Variants in VWC2 observed in about 807,000 individuals in gnomAD.
The protein encoded by VWC2 is von Willebrand factor C domain containing 2, also known as brorin.
Under a neutral mutation model 29.8 loss-of-function variants are expected in VWC2, and 14 were observed. The observed-to-expected ratio is 0.47, with a 90% CI of 0.31 to 0.74. The LOEUF (loss-of-function observed/expected upper bound fraction) is 0.74, where lower values mean the gene tolerates loss of function less well. VWC2 is among the 30% of genes least tolerant of loss of function. The pLI, the probability that VWC2 is intolerant of heterozygous loss-of-function variation, is 0.05. For synonymous variants in VWC2, 213 were observed against 199.0 expected (o/e 1.07, Z -0.59); for missense variants, 457 against 459.8 (o/e 0.99, Z 0.05).
intron 3 of VWC2, among the ~76,000 whole-genome samples, chr7:49,886,736 T>G (rs1042104026): frequency 3.3e-5 from 5 of 152,234 alleles, no homozygotes; most frequent in African/African-American, 1.2e-4. Flanking sequence ...GATGCATTGT[T>G]TAAAATTAAT....
rs150461078 is a variant in VWC2, at chr7:49,860,770, G to A, written c.827-51264G>A. On this transcript the variant is annotated intron_variant, in intron 3 of 3. Coordinates refer to ENST00000340652, the MANE Select transcript of VWC2 (RefSeq NM_198570.5). ...AATTAAGTTAAATGAGATCATAAGG[G>A]TGAGGCCTTAATCTAATAGGGTTGG... Among the ~76,000 whole-genome samples the A allele has an allele frequency of 1.7e-3, 254 of 152,280 alleles. 3 individuals are homozygous for A. The highest frequency in any genetic ancestry group is 5.4e-3 in the African/African-American group (223 of 41,548).
chr7:49,895,139 T>G (rs2128732167), intron 3 of VWC2, among the ~76,000 whole-genome samples: 1 of 152,296 alleles, frequency 6.6e-6, no homozygotes, highest in South Asian at 2.1e-4. Context: ...CACTTGCAGA[T>G]TTGGTGTTTG....
chr7:49,818,178 A>C lies in VWC2; in HGVS notation c.826+15338A>C, dbSNP rs570994915. Among the ~76,000 whole-genome samples, 94 of 152,188 alleles carry C rather than the reference A, an allele frequency of 6.2e-4. 1 individual carries two copies. Among genetic ancestry groups the C allele is most frequent in the African/African-American group, 2.2e-3 (90 of 41,534 alleles). ...AGATTGGGAAGTGATACAAAGAAAAATTTTCTAGTCATTAGAATTCCTATT... is the reference window on the plus strand; with the variant it reads ...AGATTGGGAAGTGATACAAAGAAAACTTTTCTAGTCATTAGAATTCCTATT... On this transcript the variant is annotated intron_variant, in intron 3 of 3. Transcript: ENST00000340652.
intron 3 of VWC2, among the ~76,000 whole-genome samples, chr7:49,811,438 C>T (rs1789003262): frequency 6.6e-6 from 1 of 152,198 alleles, no homozygotes; most frequent in African/African-American, 2.4e-5. Context: ...CCCCACTTCA[C>T]TCTGCACTTT....
chr7:49,907,295 TG>T (rs1793155370), intron 3 of VWC2, among the ~76,000 whole-genome samples: 1 of 152,032 alleles, frequency 6.6e-6, no homozygotes, highest in Admixed American at 6.6e-5. Flanking sequence ...AGAGGATAAA[TG>T]GGAACAGATG....
rs1433092074 is a variant in VWC2 at position 49,918,546 on chromosome 7, G to A, written c.*6361G>A. 1.1e-4 allele frequency: 17 copies of A among 152,096 alleles called. No homozygotes were observed. Among genetic ancestry groups the A allele is most frequent in the Non-Finnish European group, 1.5e-5 (1 of 68,026 alleles). The allele number at this position is 152,096 out of a possible 1,614,324, so 9.4% of individuals were successfully genotyped here. ...GAGATCTCTTTTTAAAAATAGTATT[G>A]AAGCATCAGGTTGTTCAGGTATGAT... On this transcript the variant is annotated 3_prime_UTR_variant, in exon 4 of 4. Coordinates refer to ENST00000340652, the MANE Select transcript of VWC2 (RefSeq NM_198570.5).
intron 3 of VWC2, among the ~76,000 whole-genome samples, chr7:49,908,426 T>C (rs919632664): frequency 1.3e-5 from 2 of 152,168 alleles, no homozygotes; most frequent in African/African-American, 4.8e-5. Flanking sequence ...AAAATCTAAA[T>C]ACAACAGGAT....
At chr7:49,813,107 C>T (rs1447587065) in intron 3 of VWC2, among the ~76,000 whole-genome samples, 2 of 152,208 alleles carry the variant, frequency 1.3e-5, no homozygotes, top group Non-Finnish European at 2.9e-5. Context: ...CCCTCTTTCT[C>T]CTTCAAGCAG....
At chr7:49,793,281 C>T (rs1788507553) in intron 2 of VWC2, among the ~76,000 whole-genome samples, 1 of 151,712 alleles carries the variant, frequency 6.6e-6, no homozygotes, top group Non-Finnish European at 1.5e-5. Context: ...AATATTCAGA[C>T]TCTGTCCAGG....
chr7:49,805,279 G>A (rs1303429079), intron 3 of VWC2, among the ~76,000 whole-genome samples: 1 of 152,168 alleles, frequency 6.6e-6, no homozygotes, highest in Non-Finnish European at 1.5e-5. Context: ...GATGGAATAA[G>A]GCAAGATTTT....
chr7:49,888,932 CA>C (rs923355020), intron 3 of VWC2, among the ~76,000 whole-genome samples: 3 of 149,866 alleles, frequency 2.0e-5, no homozygotes, highest in Admixed American at 1.3e-4. Flanking sequence ...AAAACAAAAA[CA>C]AAAAAAAACA....
rs1562747805 is a variant in VWC2 at position 49,877,484 on chromosome 7, ATATATATATATATATAT to A, written c.827-34549_827-34533del. Among the ~76,000 whole-genome samples the A allele has an allele frequency of 8.4e-3, 223 of 26,576 alleles. 30 individuals are homozygous for A. The highest frequency in any genetic ancestry group is 0.014 in the Admixed American group (26 of 1,850). 17.4% of individuals were successfully genotyped at this position (26,576 alleles called of 152,430 possible). ...TCTCAAAAAAAAAAAAAAAAAAAAT[ATATATATATATATATAT>A]ATATATATATATATATAGTTATTTG... On this transcript the variant is annotated intron_variant, in intron 3 of 3. Coordinates refer to ENST00000340652, the MANE Select transcript of VWC2 (RefSeq NM_198570.5).
intron 3 of VWC2, among the ~76,000 whole-genome samples, chr7:49,849,035 CT>C (rs1790070564): frequency 6.6e-6 from 1 of 152,142 alleles, no homozygotes; most frequent in African/African-American, 2.4e-5. Flanking sequence ...TCTTTAGGTC[CT>C]GCTTGCTTCA....
intron 3 of VWC2, among the ~76,000 whole-genome samples, chr7:49,872,993 A>T (rs1010895987): frequency 6.6e-6 from 1 of 151,474 alleles, no homozygotes; most frequent in Non-Finnish European, 1.5e-5. Context: ...AATAATTAAT[A>T]AAAAAATCTG....
chr7:49,877,671 A>C (rs988972468), intron 3 of VWC2, among the ~76,000 whole-genome samples: 1 of 149,372 alleles, frequency 6.7e-6, no homozygotes, highest in African/African-American at 2.5e-5. Flanking sequence ...TGGTACCCCG[A>C]GAGTCATGAA....
chr7:49,846,835 G>A (rs550336704), intron 3 of VWC2, among the ~76,000 whole-genome samples: 1 of 152,296 alleles, frequency 6.6e-6, no homozygotes, highest in African/African-American at 2.4e-5. Flanking sequence ...TTGACAGCCA[G>A]AGAAGTAGGT....
chr7:49,865,111 G>T (rs1308065278), intron 3 of VWC2, among the ~76,000 whole-genome samples: 1 of 152,144 alleles, frequency 6.6e-6, no homozygotes, highest in African/African-American at 2.4e-5. Context: ...GCTGAAATTT[G>T]CCATGTAAAG....
chr7:49,810,562 A>G (rs899218445), intron 3 of VWC2, among the ~76,000 whole-genome samples: 12 of 152,152 alleles, frequency 7.9e-5, no homozygotes, highest in Non-Finnish European at 1.5e-4. Context: ...AATGTAAAGG[A>G]TAGCCAAAAG....
intron 2 of VWC2, among the ~76,000 whole-genome samples, chr7:49,802,108 T>C (rs1035503205): frequency 3.3e-5 from 5 of 150,142 alleles, no homozygotes; most frequent in Middle Eastern, 6.9e-3. Flanking sequence ...ATGAAAAACA[T>C]TTCTTCAAAA....
Sources: gnomAD v4.1 joint callset for allele counts (sites outside exome capture counted in the v4.1 genomes callset) on GRCh38, gnomAD v4.1.1 for gene constraint, MANE v1.5 for transcripts, NCBI Gene and HGNC (gene_info 2026-07-23, HGNC 2026-07-21) for gene names.